The following SHISA9 variants were observed in gnomAD, a reference collection of about 807,000 sequenced individuals.
SHISA9 encodes protein shisa-9.
Under a neutral mutation model 38.0 loss-of-function variants are expected in SHISA9, and 13 were observed. The observed-to-expected ratio is 0.34, with a 90% CI of 0.22 to 0.54. The LOEUF is 0.54. Among genes scored for constraint, SHISA9 ranks in the 20% least tolerant of loss-of-function variants. The pLI is 0.91. For missense variants in SHISA9, 538 were observed against 575.8 expected (o/e 0.93, Z 0.67); for synonymous variants, 275 against 242.0 (o/e 1.14, Z -1.27).
chr16:13,199,920 C>A (rs529020098), intron 2 of SHISA9, among the ~76,000 whole-genome samples: 1 of 152,254 alleles, frequency 6.6e-6, no homozygotes, highest in East Asian at 1.9e-4. Flanking sequence ...CATCCCTGAG[C>A]GAGGGTATCT....
chr16:13,440,004 G>T, the SHISA9 span, among the ~76,000 whole-genome samples: 1 of 152,214 alleles, frequency 6.6e-6, no homozygotes, highest in Non-Finnish European at 1.5e-5. Flanking sequence ...TACTCAGGCA[G>T]CCGCGCCTCA....
At chr16:12,919,942 A>T (rs1363542014) in intron 2 of SHISA9, among the ~76,000 whole-genome samples, 1 of 152,150 alleles carries the variant, frequency 6.6e-6, no homozygotes, top group Non-Finnish European at 1.5e-5. Flanking sequence ...TTGAAGGCAC[A>T]TTTTGTCCTT....
At position 13,019,887 on chromosome 16, in the gene SHISA9, CTTTCTTTCTTTCTTTCTTTCTTTCTTT is replaced by C. The variant is rs1567184105; in HGVS notation, c.691+103073_691+103099del. ...CCCTCCCTCCCTCCCTCCCTCCCTT[CTTTCTTTCTTTCTTTCTTTCTTTCTTT>C]CTTTCTTTCTTTCTTTCTTTCTTTC... On this transcript the variant is annotated intron_variant, in intron 2 of 4. Coordinates refer to ENST00000558583, the MANE Select transcript of SHISA9 (RefSeq NM_001145204.3). Among the ~76,000 whole-genome samples the C allele has an allele frequency of 8.2e-3, 107 of 13,100 alleles. 1 individual carries two copies. Among genetic ancestry groups the C allele is most frequent in the Non-Finnish European group, 0.012 (84 of 6,862 alleles). The allele number at this position is 13,100 out of a possible 152,430, so 8.6% of individuals were successfully genotyped here. A position where few individuals can be genotyped will look rare whatever the true frequency, so the allele number is the denominator to read the frequency against.
intron 2 of SHISA9, among the ~76,000 whole-genome samples, chr16:12,953,291 T>A (rs1369117082): frequency 6.6e-6 from 1 of 152,164 alleles, no homozygotes; most frequent in African/African-American, 2.4e-5. Flanking sequence ...GCCTACTCTG[T>A]GCTAGGCATT....
At chr16:13,443,447 T>C in the SHISA9 span, among the ~76,000 whole-genome samples, 1 of 152,232 alleles carries the variant, frequency 6.6e-6, no homozygotes, top group Non-Finnish European at 1.5e-5. Context: ...AAAATGGGGA[T>C]GGTACAATTT....
chr16:13,414,954 C>A, the SHISA9 span, among the ~76,000 whole-genome samples: 1 of 152,052 alleles, frequency 6.6e-6, no homozygotes. Flanking sequence ...TTATAGACAG[C>A]AAAAGGACAG....
intron 4 of SHISA9, among the ~76,000 whole-genome samples, chr16:13,229,998 G>A (rs1166749902): frequency 6.6e-6 from 1 of 152,178 alleles, no homozygotes; most frequent in East Asian, 1.9e-4. Context: ...ATACATTTAT[G>A]TAATTTGGGG....
intron 2 of SHISA9, among the ~76,000 whole-genome samples, chr16:13,073,573 A>G (rs1369801799): frequency 6.6e-6 from 1 of 152,184 alleles, no homozygotes; most frequent in Non-Finnish European, 1.5e-5. Context: ...GGGCCCGGCA[A>G]TCTGCAGTGC....
At chr16:13,469,361 A>AGAAAAG in the SHISA9 span, among the ~76,000 whole-genome samples, 1 of 43,482 alleles carries the variant, frequency 2.3e-5, no homozygotes, top group Non-Finnish European at 4.8e-5. Context: ...AAAGAAAGAA[A>AGAAAAG]AGAAAAAGAA....
the SHISA9 span, among the ~76,000 whole-genome samples, chr16:13,338,900 G>A: frequency 2.6e-5 from 4 of 152,146 alleles, no homozygotes; most frequent in African/African-American, 9.7e-5. Context: ...TTGGGAACCT[G>A]GCAATTTAAT....
At chr16:13,491,817 C>CTTTTTT in the SHISA9 span, among the ~76,000 whole-genome samples, 7 of 46,926 alleles carry the variant, frequency 1.5e-4, 1 homozygote, top group South Asian at 7.4e-4. Flanking sequence ...TATTTATTGA[C>CTTTTTT]CTTTTTTTTT....
chr16:13,223,556 T>A (rs1223031969), intron 4 of SHISA9, among the ~76,000 whole-genome samples: 1 of 152,230 alleles, frequency 6.6e-6, no homozygotes, highest in South Asian at 2.1e-4. Flanking sequence ...GACTGGGGGC[T>A]CTACCATAGC....
At chr16:13,524,891 A>C in the SHISA9 span, among the ~76,000 whole-genome samples, 1 of 152,162 alleles carries the variant, frequency 6.6e-6, no homozygotes, top group African/African-American at 2.4e-5. Flanking sequence ...GCTCAGCAGC[A>C]TCCCTGGCCT....
the SHISA9 span, among the ~76,000 whole-genome samples, chr16:13,554,449 A>G: frequency 6.6e-6 from 1 of 151,596 alleles, no homozygotes; most frequent in Non-Finnish European, 1.5e-5. Flanking sequence ...ATCATGGTAA[A>G]ATCTCTGTGA....
chr16:13,501,407 A>C, the SHISA9 span, among the ~76,000 whole-genome samples: 1 of 152,188 alleles, frequency 6.6e-6, no homozygotes, highest in African/African-American at 2.4e-5. Context: ...AAGGAGTATA[A>C]GAAAGATAAA....
At chr16:12,984,355 G>A (rs1231400184) in intron 2 of SHISA9, among the ~76,000 whole-genome samples, 2 of 152,150 alleles carry the variant, frequency 1.3e-5, no homozygotes, top group Non-Finnish European at 2.9e-5. Context: ...AATTTCAGCT[G>A]CCTTTTACTT....
At chr16:13,037,109 G>GACACACACAC (rs1207707042) in intron 2 of SHISA9, among the ~76,000 whole-genome samples, 27 of 105,278 alleles carry the variant, frequency 2.6e-4, no homozygotes, top group Admixed American at 7.1e-4. Flanking sequence ...CACACACACA[G>GACACACACAC]ACACACACAC....
chr16:13,469,362 AG>A, the SHISA9 span, among the ~76,000 whole-genome samples: 482 of 37,204 alleles, frequency 0.013, no homozygotes, highest in African/African-American at 0.023. Flanking sequence ...AAGAAAGAAA[AG>A]AAAAAGAAAG....
At chr16:13,266,890 G>A in the SHISA9 span, among the ~76,000 whole-genome samples, 2 of 152,070 alleles carry the variant, frequency 1.3e-5, no homozygotes, top group African/African-American at 4.8e-5. Flanking sequence ...GACAAATTTG[G>A]CAAAAATTCA....
Sources: gnomAD v4.1 joint callset for allele counts (sites outside exome capture counted in the v4.1 genomes callset) on GRCh38, gnomAD v4.1.1 for gene constraint, MANE v1.5 for transcripts, NCBI Gene and HGNC (gene_info 2026-07-23, HGNC 2026-07-21) for gene names.